The following SLC38A12 variants were observed in gnomAD, a reference collection of about 807,000 sequenced individuals.
The protein encoded by SLC38A12 is putative sodium-coupled neutral amino acid transporter 12.
the SLC38A12 span, among the ~76,000 whole-genome samples, chr17:74,827,926 C>T: frequency 0.012 from 1,760 of 152,310 alleles, 38 homozygotes; most frequent in African/African-American, 0.04. This position sits in a 1 kb window ranked among gnomAD's most constrained non-coding sequence, Gnocchi z 4.7. Context: ...CAGCTAAAGC[C>T]AAGAGAGCCC....
the SLC38A12 span, among the ~76,000 whole-genome samples, chr17:74,810,968 A>G: frequency 6.6e-6 from 1 of 152,194 alleles, no homozygotes. Flanking sequence ...GTCGGGAAGA[A>G]CTTGGACTGT....
the SLC38A12 span, among the ~76,000 whole-genome samples, chr17:74,802,648 A>G: frequency 9.9e-5 from 15 of 152,190 alleles, no homozygotes; most frequent in African/African-American, 3.6e-4. Context: ...GAATATCTGC[A>G]TTATACTCAC....
At chr17:74,795,839 G>A in the SLC38A12 span, among the ~76,000 whole-genome samples, 15 of 152,324 alleles carry the variant, frequency 9.8e-5, no homozygotes, top group South Asian at 2.7e-3. Flanking sequence ...CTGGCAGCAG[G>A]CCTCAAAGTC....
the SLC38A12 span, chr17:74,795,132 C>T: frequency 6.2e-7 from 1 of 1,609,446 alleles, no homozygotes; most frequent in South Asian, 1.1e-5. Context: ...TCCTGGCCCC[C>T]AGGTTGGCGG....
the SLC38A12 span, among the ~76,000 whole-genome samples, chr17:74,823,736 C>T: frequency 2.0e-5 from 3 of 152,218 alleles, no homozygotes; most frequent in Non-Finnish European, 2.9e-5. Context: ...CAGGTGGCCA[C>T]CGCAGATTCC....
the SLC38A12 span, among the ~76,000 whole-genome samples, chr17:74,809,152 A>C: frequency 6.6e-6 from 1 of 152,192 alleles, no homozygotes; most frequent in Non-Finnish European, 1.5e-5. Context: ...ACGTAGGGGT[A>C]CGGGGTATTC....
chr17:74,786,078 G>A, the SLC38A12 span, among the ~76,000 whole-genome samples: 1 of 152,242 alleles, frequency 6.6e-6, no homozygotes, highest in Admixed American at 6.5e-5. Context: ...ACGCCTGGGT[G>A]CACGATCAAG....
chr17:74,788,773 C>T, the SLC38A12 span: 119 of 1,611,110 alleles, frequency 7.4e-5, no homozygotes, highest in African/African-American at 1.4e-3. Context: ...TGGCGCTGGG[C>T]ACTCGGCCCC....
the SLC38A12 span, among the ~76,000 whole-genome samples, chr17:74,826,835 G>A: frequency 6.6e-6 from 1 of 152,190 alleles, no homozygotes; most frequent in African/African-American, 2.4e-5. Flanking sequence ...GGGATTGCCT[G>A]GCCTTGAGGG....
chr17:74,800,909 C>T, the SLC38A12 span, among the ~76,000 whole-genome samples: 3 of 152,190 alleles, frequency 2.0e-5, no homozygotes, highest in Non-Finnish European at 2.9e-5. Context: ...CGTCTAGAAA[C>T]GGAATGCAGG....
At chr17:74,819,310 G>T in the SLC38A12 span, among the ~76,000 whole-genome samples, 1 of 152,248 alleles carries the variant, frequency 6.6e-6, no homozygotes, top group South Asian at 2.1e-4. Flanking sequence ...CCTCCCCACT[G>T]TGTCCTTTCT....
chr17:74,785,710 C>A, the SLC38A12 span: 2 of 1,443,716 alleles, frequency 1.4e-6, no homozygotes, highest in Non-Finnish European at 9.3e-7. Flanking sequence ...AGACACCTGT[C>A]TACCCCGTAT....
the SLC38A12 span, among the ~76,000 whole-genome samples, chr17:74,820,801 A>G: frequency 6.6e-6 from 1 of 151,424 alleles, no homozygotes; most frequent in Non-Finnish European, 1.5e-5. Flanking sequence ...CCTCATCCAG[A>G]CTCTGGGGGT....
At chr17:74,806,646 G>A in the SLC38A12 span, among the ~76,000 whole-genome samples, 1 of 152,086 alleles carries the variant, frequency 6.6e-6, no homozygotes, top group African/African-American at 2.4e-5. Flanking sequence ...CTGCCGTGGG[G>A]AAGAAAGGCT....
At chr17:74,785,584 G>C in the SLC38A12 span, 1 of 1,614,006 alleles carries the variant, frequency 6.2e-7, no homozygotes, top group Middle Eastern at 1.7e-4. Context: ...CGTCCTGCTG[G>C]TGTTCCTGGG....
chr17:74,799,492 A>G, the SLC38A12 span, among the ~76,000 whole-genome samples: 1 of 152,226 alleles, frequency 6.6e-6, no homozygotes, highest in Non-Finnish European at 1.5e-5. Context: ...GGAGAGGGAT[A>G]CAGCCTGCAA....
At chr17:74,819,508 C>T in the SLC38A12 span, among the ~76,000 whole-genome samples, 1 of 152,218 alleles carries the variant, frequency 6.6e-6, no homozygotes, top group East Asian at 1.9e-4. Context: ...CTAGGAGGCT[C>T]AGCATTGTCG....
the SLC38A12 span, chr17:74,795,734 G>C: frequency 3.4e-6 from 3 of 891,364 alleles, no homozygotes. Context: ...CCCCAGAGAG[G>C]AGGATCTACT....
chr17:74,785,555 C>T, the SLC38A12 span: 1 of 1,614,166 alleles, frequency 6.2e-7, no homozygotes, highest in South Asian at 1.1e-5. Flanking sequence ...TTCGCCACTG[C>T]CGGGTGGCTT....
Sources: allele counts gnomAD v4.1 joint callset (sites outside exome capture counted in the v4.1 genomes callset), GRCh38; gene constraint gnomAD v4.1.1; non-coding constraint Gnocchi (gnomAD v3.1); transcripts MANE v1.5; gene names NCBI Gene and HGNC (gene_info 2026-07-23, HGNC 2026-07-21).